CCNC: variants seen among roughly 807,000 people sequenced by gnomAD.
CCNC encodes cyclin-C.
A neutral mutation model predicts 50.0 loss-of-function variants in CCNC; 19 were observed. The ratio of observed to expected loss-of-function variants is 0.38; its 90% confidence interval spans 0.27 to 0.56. The LOEUF (loss-of-function observed/expected upper bound fraction) is 0.56, where lower values mean the gene tolerates loss of function less well. Among genes scored for constraint, CCNC ranks in the 20% least tolerant of loss-of-function variants. CCNC has a pLI of 0.72. For missense variants in CCNC, 200 were observed against 327.1 expected (o/e 0.61, Z 3.00); for synonymous variants, 93 against 103.7 (o/e 0.90, Z 0.63).
At chr6:99,543,901 C>T (rs1311091043) in intron 11 of CCNC, 1 of 1,283,468 alleles carries the variant, frequency 7.8e-7, no homozygotes, top group Non-Finnish European at 9.8e-7. Context: ...ATTGTTATTA[C>T]AGGTATCACT....
chr6:99,546,335 G>T, intron 10 of CCNC, 60 bp downstream of exon 10: 1 of 1,106,594 alleles, frequency 9.0e-7, no homozygotes, highest in Non-Finnish European at 1.4e-6. Flanking sequence ...TTAGGCTCAT[G>T]ATAAGTAAAT....
At chr6:99,561,279 A>C (rs1802769168) in intron 4 of CCNC, 88 bp downstream of exon 4, 2 of 828,252 alleles carry the variant, frequency 2.4e-6, no homozygotes, top group Admixed American at 4.0e-5. Flanking sequence ...ACCATTTATT[A>C]ATTTTACATA....
At chr6:99,546,320 A>G (rs1802067938) in intron 10 of CCNC, 75 bp downstream of exon 10, 2 of 963,722 alleles carry the variant, frequency 2.1e-6, no homozygotes, top group African/African-American at 1.6e-5. Context: ...GGACATCACA[A>G]GATTTTAGGC....
intron 4 of CCNC, among the ~76,000 whole-genome samples, chr6:99,559,119 A>C (rs545221069): frequency 6.6e-6 from 1 of 152,094 alleles, no homozygotes; most frequent in Admixed American, 6.6e-5. Flanking sequence ...ATTAACAGAT[A>C]CTTCATGCCA....
intron 5 of CCNC, among the ~76,000 whole-genome samples, chr6:99,554,519 T>A (rs1048266525): frequency 1.3e-5 from 2 of 152,192 alleles, no homozygotes; most frequent in African/African-American, 4.8e-5. Context: ...CAGTATGGAC[T>A]CATGGATATT....
At chr6:99,552,950 G>C (rs1802363846) in intron 5 of CCNC, among the ~76,000 whole-genome samples, 1 of 152,002 alleles carries the variant, frequency 6.6e-6, no homozygotes. Flanking sequence ...GCCGAGGCAG[G>C]AGAATCCCTT....
chr6:99,561,809 T>C (rs1304085278), intron 2 of CCNC, 128 bp from the exon 3 acceptor site: 2 of 609,346 alleles, frequency 3.3e-6, no homozygotes, highest in Admixed American at 3.0e-5. Flanking sequence ...AACCTACACA[T>C]GCTCTATGTG....
intron 7 of CCNC, 71 bp from the exon 8 acceptor site, chr6:99,550,380 C>G: frequency 9.8e-7 from 1 of 1,016,076 alleles, no homozygotes; most frequent in Non-Finnish European, 1.5e-6. Context: ...TTATCATTAC[C>G]CAACTGATTT....
chr6:99,559,197 A>C (rs576195653), intron 4 of CCNC, among the ~76,000 whole-genome samples: 79 of 152,026 alleles, frequency 5.2e-4, no homozygotes, highest in African/African-American at 1.9e-3. Context: ...GAACTAAAAA[A>C]AAAAAAAAAC....
intron 6 of CCNC, among the ~76,000 whole-genome samples, chr6:99,551,524 G>T (rs1583574580): frequency 6.6e-6 from 1 of 151,980 alleles, no homozygotes; most frequent in East Asian, 1.9e-4. Flanking sequence ...GTATCACCTG[G>T]GACCTTTTAC....
In CCNC at chr6:99,543,399, T is replaced by C. The variant is rs1801949095; in HGVS notation, c.*156A>G. ...TAATCAATTATGTACTAGAATCATA[T>C]TAAAGAAAAACTTATTTTGCAAAAA... On this transcript the variant is annotated 3_prime_UTR_variant, in exon 12 of 12. Coordinates refer to ENST00000520429, the MANE Select transcript of CCNC (RefSeq NM_005190.4). 9.7e-6 allele frequency: 7 copies of C among 719,746 alleles called. No individual in the cohort carries two copies. The highest frequency in any genetic ancestry group is 5.5e-5 in the Admixed American group (2 of 36,292). The allele number at this position is 719,746 out of a possible 1,614,324, so 44.6% of individuals were successfully genotyped here.
intron 4 of CCNC, among the ~76,000 whole-genome samples, chr6:99,560,314 C>T (rs925410313): frequency 6.6e-6 from 1 of 152,034 alleles, no homozygotes; most frequent in Admixed American, 6.6e-5. Flanking sequence ...ACTGATTCTG[C>T]CTTCTTAAAC....
chr6:99,559,226 C>A (rs866347429), intron 4 of CCNC, among the ~76,000 whole-genome samples: 5 of 151,526 alleles, frequency 3.3e-5, no homozygotes, highest in South Asian at 2.1e-4. Flanking sequence ...TAGTTACTAT[C>A]CTTTTTAGAA....
chr6:99,568,558 C>A lies in CCNC; in HGVS notation c.-31G>T. 1.2e-6 allele frequency: 2 copies of A among 1,608,646 alleles called. No homozygotes were observed. The highest frequency in any genetic ancestry group is 1.7e-6 in the Non-Finnish European group (2 of 1,177,672). On this transcript the variant is annotated 5_prime_UTR_variant, in exon 1 of 12. Coordinates refer to ENST00000520429, the MANE Select transcript of CCNC (RefSeq NM_005190.4). ...ACAGCTTGCCCTGATAAAAAAGCAC[C>A]AGCCGGCGGAGCGGCCCGCGGAGCG...
At chr6:99,551,799 T>C (rs768107666) in intron 6 of CCNC, 41 bp downstream of exon 6, 4 of 1,246,906 alleles carry the variant, frequency 3.2e-6, no homozygotes, top group East Asian at 2.8e-5. Flanking sequence ...CTAGTTTATA[T>C]ATAGCTTTGA....
At chr6:99,543,695 T>G in intron 11 of CCNC, 86 bp from the exon 12 acceptor site, 2 of 1,577,092 alleles carry the variant, frequency 1.3e-6, no homozygotes, top group Non-Finnish European at 1.7e-6. Flanking sequence ...TTTAAATTCA[T>G]TATTCTGTGG....
At chr6:99,558,589 T>C (rs1802644053) in intron 4 of CCNC, 41 bp from the exon 5 acceptor site, 1 of 1,545,226 alleles carries the variant, frequency 6.5e-7, no homozygotes, top group African/African-American at 1.4e-5. Flanking sequence ...CCAATGAATC[T>C]AAGGGTATCT....
upstream of CCNC, chr6:99,568,780 A>AGGTGCTGACCCTTGGAGGTGC: frequency 1.6e-6 from 2 of 1,236,926 alleles, no homozygotes; most frequent in Non-Finnish European, 2.1e-6. Flanking sequence ...GCCGGAGGGG[A>AGGTGCTGACCCTTGGAGGTGC]GGTGCTGACC....
At chr6:99,552,045 C>T (rs2114301956) in intron 5 of CCNC, 150 bp from the exon 6 acceptor site, 1 of 440,184 alleles carries the variant, frequency 2.3e-6, no homozygotes, top group Non-Finnish European at 3.8e-6. Context: ...TTTTTATTTA[C>T]TTTCAGGGAA....
Sources: gnomAD v4.1 joint callset for allele counts (sites outside exome capture counted in the v4.1 genomes callset) on GRCh38, gnomAD v4.1.1 for gene constraint, MANE v1.5 for transcripts, NCBI Gene and HGNC (gene_info 2026-07-23, HGNC 2026-07-21) for gene names.